The following ABCC8 variants were observed in gnomAD, a reference collection of about 807,000 sequenced individuals.
The protein encoded by ABCC8 is ATP-binding cassette sub-family C member 8.
In ABCC8, 137 loss-of-function variants were observed where a neutral mutation model predicts 188.0. That is an observed-to-expected ratio of 0.73 (90% CI 0.63 to 0.84). The LOEUF (loss-of-function observed/expected upper bound fraction) is 0.84, where lower values mean the gene tolerates loss of function less well. ABCC8 is among the 40% of genes least tolerant of loss of function. The pLI is 0.00. For synonymous variants in ABCC8, 797 were observed against 846.5 expected, an observed-to-expected ratio of 0.94 and a Z score of 1.01; for missense variants, 1,750 against 2,072.7, an observed-to-expected ratio of 0.84 and a Z score of 3.02.
At chr11:17,469,056 T>TCCCCCCCCC (rs113636074) in intron 3 of ABCC8, among the ~76,000 whole-genome samples, 30 of 134,022 alleles carry the variant, frequency 2.2e-4, no homozygotes, top group South Asian at 2.5e-4. Context: ...TCTCCCTCCC[T>TCCCCCCCCC]CCTCCCTCCC....
chr11:17,395,399 G>T (rs186110389), intron 35 of ABCC8, 124 bp from the exon 36 acceptor site: 6 of 1,524,694 alleles, frequency 3.9e-6, no homozygotes, highest in African/African-American at 2.7e-5. Flanking sequence ...AAGCACCGAG[G>T]TGGTGGCAGT....
At chr11:17,396,329 T>G (rs996971505) in intron 33 of ABCC8, 5 of 360,976 alleles carry the variant, frequency 1.4e-5, no homozygotes, top group Non-Finnish European at 2.1e-5. Context: ...GAGCCACCTC[T>G]GATCCCGTTG....
At chr11:17,416,594 T>C (rs1036576946) in intron 17 of ABCC8, among the ~76,000 whole-genome samples, 2 of 152,148 alleles carry the variant, frequency 1.3e-5, no homozygotes, top group African/African-American at 2.4e-5. Context: ...CCCATACACA[T>C]TGGCAGTCCC....
At chr11:17,461,316 A>G in intron 5 of ABCC8, 1 of 531,146 alleles carries the variant, frequency 1.9e-6, no homozygotes, top group Non-Finnish European at 3.4e-6. Flanking sequence ...TTCCCTTCTC[A>G]GAGCCTCAGT....
In ABCC8 at chr11:17,461,566, G is replaced by A; in HGVS notation, c.822+17C>T. 2 of 1,614,140 alleles carry A rather than the reference G, an allele frequency of 1.2e-6. No homozygotes were observed. The highest frequency in any genetic ancestry group is 8.5e-7 in the Non-Finnish European group (1 of 1,179,998). ...CAGAAGGCAGTGAATAGATGGTGTG[G>A]CTGTGCCCCCACTGACCACCTGGGC... On this transcript the variant is annotated intron_variant, in intron 5 of 38. Transcript: ENST00000389817.
At chr11:17,410,978 T>C (rs1954778679) in intron 21 of ABCC8, among the ~76,000 whole-genome samples, 1 of 152,248 alleles carries the variant, frequency 6.6e-6, no homozygotes, top group African/African-American at 2.4e-5. Context: ...CTTTCCCTTC[T>C]AGACTCATGC....
In ABCC8 at chr11:17,453,312, T is replaced by C. The variant is rs747286110; in HGVS notation, c.1012-29A>G. On this transcript the variant is annotated intron_variant, in intron 6 of 38. Coordinates refer to ENST00000389817, the MANE Select transcript of ABCC8 (RefSeq NM_000352.6). ...TTGGAAAGAGAAGTTCAGAGGTGACTGTCATTGCCAGCAAAATGACCACCG... is the reference window on the plus strand; with the variant it reads ...TTGGAAAGAGAAGTTCAGAGGTGACCGTCATTGCCAGCAAAATGACCACCG... 4 of 1,613,052 alleles carry C rather than the reference T, an allele frequency of 2.5e-6. No individual in the cohort carries two copies. In the African/African-American group the frequency reaches 5.3e-5, roughly 22 times the overall value.
chr11:17,397,372 C>A (rs1344994934), intron 31 of ABCC8, 59 bp from the exon 32 acceptor site: 1 of 1,601,258 alleles, frequency 6.2e-7, no homozygotes, highest in Non-Finnish European at 8.5e-7. Flanking sequence ...TCCTCAGCCA[C>A]CAGAATGGCT....
intron 26 of ABCC8, among the ~76,000 whole-genome samples, chr11:17,406,064 G>A (rs904127208): frequency 2.6e-5 from 4 of 152,248 alleles, no homozygotes; most frequent in African/African-American, 9.6e-5. Context: ...GTTAGATTGT[G>A]AGGTCTAGCC....
chr11:17,410,524 C>T lies in ABCC8; in HGVS notation c.2686G>A (p.Ala896Thr). Residue 896 changes from alanine to threonine, a missense_variant, in exon 22 of 39, where the codon GCA becomes ACA. Coordinates refer to ENST00000389817, the MANE Select transcript of ABCC8 (RefSeq NM_000352.6). ...VTHKLQYLPH[A>T]DWIIAMKDGT... ...CCCTTGTTCCCCCTCACCCAGTCTG[C>T]ATGGGGCAGGTACTGTAGCTTGTGG... is the stretch of plus-strand genomic sequence containing the variant. The T allele has an allele frequency of 6.2e-7, 1 of 1,614,164 alleles. No homozygotes were observed. The highest frequency in any genetic ancestry group is 1.1e-5 in the South Asian group (1 of 91,082).
intron 23 of ABCC8, among the ~76,000 whole-genome samples, chr11:17,407,973 G>T (rs1263569248): frequency 1.3e-5 from 2 of 152,308 alleles, no homozygotes; most frequent in East Asian, 3.9e-4. Flanking sequence ...AATTTGAGGG[G>T]AGCAGAGTCA....
rs545848368 is a variant in ABCC8, at chr11:17,423,129, C to G, written c.2222+3920G>C. ...ATCCCAGCACTTTGGGAGGCTGAGG[C>G]GGGCGGATCATGAGGTCAGGAGTTC... On this transcript the variant is annotated intron_variant, in intron 16 of 38. Coordinates refer to ENST00000389817, the MANE Select transcript of ABCC8 (RefSeq NM_000352.6). Among the ~76,000 whole-genome samples the G allele has an allele frequency of 2.6e-5, 4 of 151,770 alleles. No individual in the cohort carries two copies. The South Asian group carries it at 6.2e-4, about 24-fold the overall frequency.
At chr11:17,435,606 G>T (rs1956056515) in intron 10 of ABCC8, 6 of 1,392,020 alleles carry the variant, frequency 4.3e-6, no homozygotes, top group Non-Finnish European at 6.1e-6. Flanking sequence ...GGAGATAAAA[G>T]TGAGAAACAG....
chr11:17,449,557 G>A (rs1163497358), intron 7 of ABCC8, among the ~76,000 whole-genome samples: 3 of 152,200 alleles, frequency 2.0e-5, no homozygotes, highest in African/African-American at 7.2e-5. Flanking sequence ...TGGCCTCCCC[G>A]AGCTCTGAAC....
chr11:17,444,205 A>G (rs1250929852), intron 8 of ABCC8: 4 of 152,140 alleles, frequency 2.6e-5, no homozygotes, highest in Non-Finnish European at 5.9e-5. Flanking sequence ...TGGCCCCTTC[A>G]CCACCTGCCT....
intron 12 of ABCC8, chr11:17,428,944 G>C: frequency 1.8e-6 from 1 of 549,222 alleles, no homozygotes; most frequent in South Asian, 2.1e-5. Flanking sequence ...AGTTAGTCTG[G>C]GTTATTAGAC....
chr11:17,463,480 A>G lies in ABCC8; in HGVS notation c.537T>C (p.Tyr179=), dbSNP rs761881203. The G allele has an allele frequency of 1.6e-5, 26 of 1,605,292 alleles. No homozygotes were observed. The highest frequency in any genetic ancestry group is 2.1e-5 in the Non-Finnish European group (25 of 1,176,168). The change falls in exon 4 of 39, where the codon TAT becomes TAC. Residue 179 remains tyrosine, a synonymous_variant. Transcript: ENST00000389817. ...FCLTGLLVIL[Y]GMLLLVEVNV... is the part of the protein sequence containing the mutation. ...TGACCTCCACGAGGAGCAGCATCCC[A>G]TAGAGGATCACCAGCAGCCCTGTGA... is the stretch of plus-strand genomic sequence containing the variant.
In ABCC8 at chr11:17,463,597, C is replaced by T. The variant is rs1399568824; in HGVS notation, c.420G>A (p.Leu140=). The change falls in exon 4 of 39, where the codon CTG becomes CTA. Residue 140 remains leucine, a synonymous_variant. Transcript: ENST00000389817. Reference sequence around the variant, plus strand: ...TGATGAAGGCCAGGGTCCAATACACCAGCAGGGCTGCCGAGGAGAGATGGA... The same window carrying T: ...TGATGAAGGCCAGGGTCCAATACACTAGCAGGGCTGCCGAGGAGAGATGGA... ...SNFPKLLIAL[L]VYWTLAFITK... is the part of the protein sequence containing the mutation. The T allele has an allele frequency of 1.3e-6, 2 of 1,578,434 alleles. No individual in the cohort carries two copies. Among genetic ancestry groups the T allele is most frequent in the Admixed American group, 3.7e-5 (2 of 54,606 alleles).
chr11:17,406,368 C>T (rs1013595409), intron 26 of ABCC8: 28 of 554,090 alleles, frequency 5.1e-5, no homozygotes, highest in South Asian at 1.8e-4. Context: ...GATGTGCAGA[C>T]GCTCACTTTA....
Sources: allele counts gnomAD v4.1 joint callset (sites outside exome capture counted in the v4.1 genomes callset), GRCh38; gene constraint gnomAD v4.1.1; transcripts MANE v1.5; gene names NCBI Gene and HGNC (gene_info 2026-07-23, HGNC 2026-07-21).